The following TENM1 variants were observed in gnomAD, a reference collection of about 807,000 sequenced individuals.
TENM1 encodes teneurin transmembrane protein 1.
Under a neutral mutation model 174.8 loss-of-function variants are expected in TENM1, and 35 were observed. The observed-to-expected ratio is 0.20, with a 90% confidence interval of 0.15 to 0.27. The LOEUF (loss-of-function observed/expected upper bound fraction) is 0.27. Ranked by LOEUF, TENM1 falls within the 10% of genes least tolerant of loss-of-function variation. The pLI, the probability that TENM1 is intolerant of heterozygous loss-of-function variation, is 1.00. For missense variants in TENM1, 1,633 were observed against 2,130.1 expected, an observed-to-expected ratio of 0.77 and a Z score of 4.59; for synonymous variants, 781 against 798.7, an observed-to-expected ratio of 0.98 and a Z score of 0.37.
At chrX:125,094,747 G>A in the TENM1 span, among the ~76,000 whole-genome samples, 5 of 112,049 alleles carry the variant, frequency 4.5e-5, no homozygotes, top group South Asian at 3.7e-4. Flanking sequence ...ATATGCTACC[G>A]TGTTGTATAA....
At chrX:125,021,963 C>T in the TENM1 span, among the ~76,000 whole-genome samples, 1 of 112,177 alleles carries the variant, frequency 8.9e-6, no homozygotes, top group African/African-American at 3.2e-5. Flanking sequence ...TCCCTTTTTC[C>T]CTCTGGTGAT....
the TENM1 span, among the ~76,000 whole-genome samples, chrX:125,192,165 AG>A: frequency 1.8e-5 from 2 of 111,507 alleles, no homozygotes; most frequent in Admixed American, 1.9e-4. Flanking sequence ...GAAACCTTGG[AG>A]AAAAATCATT....
At position 124,382,707 on chromosome X, in the gene TENM1, C is replaced by T. The variant is rs752625441; in HGVS notation, c.7403G>A (p.Arg2468Gln). ...CCACTCTTGAGTTTTTGTCTGAAGC[C>T]GTAGAAGCTCGTAAGTTAATTCTAA... The change falls in exon 31 of 32, where the codon CGG becomes CAG. Residue 2468 changes from arginine (R) to glutamine (Q), a missense_variant. By Grantham distance (43) the Arg-to-Gln change is conservative. Transcript: ENST00000422452. 4.2e-6 allele frequency: 5 copies of T among 1,204,412 alleles called. No individual in the cohort carries two copies. Among genetic ancestry groups the T allele is most frequent in the South Asian group, 3.6e-5 (2 of 56,057 alleles).
intron 11 of TENM1, among the ~76,000 whole-genome samples, chrX:124,619,125 TATTGA>T (rs1017595371): frequency 3.6e-5 from 4 of 112,073 alleles, no homozygotes; most frequent in African/African-American, 1.3e-4. Context: ...ATTTAATGCA[TATTGA>T]ATTGAATTGA....
chrX:125,161,956 G>A, the TENM1 span, among the ~76,000 whole-genome samples: 1 of 112,035 alleles, frequency 8.9e-6, no homozygotes, highest in Non-Finnish European at 1.9e-5. Context: ...TCTTTTGCCA[G>A]TGATTGGCTA....
At chrX:124,585,802 A>G (rs959364703) in intron 11 of TENM1, among the ~76,000 whole-genome samples, 10 of 111,933 alleles carry the variant, frequency 8.9e-5, no homozygotes, top group African/African-American at 2.0e-4. Flanking sequence ...AGACTAATAA[A>G]GAAGAAAAGA....
intron 23 of TENM1, among the ~76,000 whole-genome samples, chrX:124,433,198 C>G (rs2060799102): frequency 8.9e-6 from 1 of 112,075 alleles, no homozygotes; most frequent in South Asian, 3.8e-4. Flanking sequence ...AGGCTTTGGT[C>G]TTGACTGGAG....
At chrX:124,380,837 T>C in exon 32 of TENM1, 2 of 1,210,428 alleles carry the variant, frequency 1.7e-6, no homozygotes, top group Non-Finnish European at 2.2e-6. Flanking sequence ...CAGGGCTCCA[T>C]GCTGGAGCTG....
the TENM1 span, among the ~76,000 whole-genome samples, chrX:125,105,884 CT>C: frequency 8.9e-6 from 1 of 112,084 alleles, no homozygotes; most frequent in Admixed American, 9.4e-5. Context: ...CAAATTTAAG[CT>C]TCCTATCATG....
At chrX:124,952,600 T>C (rs975904699) in intron 1 of TENM1, among the ~76,000 whole-genome samples, 1 of 111,495 alleles carries the variant, frequency 9.0e-6, no homozygotes, top group Admixed American at 9.6e-5. Context: ...CTTGAAACTT[T>C]GGACTTCAAC....
chrX:124,753,263 G>T (rs2054131038), intron 3 of TENM1, among the ~76,000 whole-genome samples: 1 of 110,281 alleles, frequency 9.1e-6, no homozygotes, highest in Non-Finnish European at 1.9e-5. Flanking sequence ...GTGAATGGGA[G>T]TTCACTCATG....
intron 23 of TENM1, 126 bp from the exon 27 acceptor site, chrX:124,422,764 T>C: frequency 1.5e-6 from 1 of 665,152 alleles, no homozygotes; most frequent in African/African-American, 2.2e-5. Context: ...GCAACATTGG[T>C]GATGTCTCGG....
chrX:124,742,495 C>T, intron 3 of TENM1, among the ~76,000 whole-genome samples: 1 of 111,010 alleles, frequency 9.0e-6, no homozygotes, highest in Non-Finnish European at 1.9e-5. Flanking sequence ...GTGGCAAAGC[C>T]TGACCTGAAG....
chrX:124,637,040 T>A (rs758622859), intron 11 of TENM1, among the ~76,000 whole-genome samples: 1 of 111,456 alleles, frequency 9.0e-6, no homozygotes, highest in South Asian at 3.8e-4. Context: ...TCTCCCCTTA[T>A]ACCCACATAG....
chrX:125,115,766 A>G, the TENM1 span, among the ~76,000 whole-genome samples: 4 of 111,482 alleles, frequency 3.6e-5, no homozygotes, highest in East Asian at 1.1e-3. Context: ...AAAATATTCC[A>G]TGCTCATGAA....
chrX:125,136,194 G>A, the TENM1 span, among the ~76,000 whole-genome samples: 1 of 111,235 alleles, frequency 9.0e-6, no homozygotes, highest in Non-Finnish European at 1.9e-5. Flanking sequence ...GGATTCAATT[G>A]TTAAACTCTG....
the TENM1 span, among the ~76,000 whole-genome samples, chrX:125,041,185 G>A: frequency 5.4e-5 from 6 of 111,406 alleles, no homozygotes; most frequent in Admixed American, 9.6e-5. Context: ...TCACTATTTA[G>A]AACATCCATA....
intron 23 of TENM1, among the ~76,000 whole-genome samples, chrX:124,425,890 G>C (rs185149271): frequency 9.0e-6 from 1 of 111,159 alleles, no homozygotes. Flanking sequence ...GCTCCTGCAC[G>C]GGCCCAAGTT....
intron 11 of TENM1, among the ~76,000 whole-genome samples, chrX:124,583,287 A>T (rs1278162797): frequency 3.6e-5 from 4 of 111,475 alleles, no homozygotes; most frequent in African/African-American, 6.5e-5. Context: ...GGCACCCCCC[A>T]GTAGGGGCAG....
Sources: allele counts gnomAD v4.1 joint callset (sites outside exome capture counted in the v4.1 genomes callset), GRCh38; gene constraint gnomAD v4.1.1; transcripts MANE v1.5; gene names NCBI Gene and HGNC (gene_info 2026-07-23, HGNC 2026-07-21).